Variants in MTCL1 observed in about 807,000 individuals in gnomAD.
MTCL1 encodes microtubule crosslinking factor 1.
In MTCL1, 79 loss-of-function variants were observed where a neutral mutation model predicts 141.4. The ratio of observed to expected loss-of-function variants is 0.56; its 90% CI spans 0.47 to 0.67. The LOEUF (loss-of-function observed/expected upper bound fraction) is 0.67, where lower values mean the gene tolerates loss of function less well. Ranked by LOEUF, MTCL1 falls within the 30% of genes least tolerant of loss-of-function variation. MTCL1 has a pLI of 0.00. For missense variants in MTCL1, 2,177 were observed against 2,113.9 expected, an observed-to-expected ratio of 1.03 and a Z score of -0.59; for synonymous variants, 914 against 875.8, an observed-to-expected ratio of 1.04 and a Z score of -0.77.
intron 4 of MTCL1, among the ~76,000 whole-genome samples, chr18:8,767,394 G>A (rs1190658030): frequency 2.0e-5 from 3 of 152,290 alleles, no homozygotes; most frequent in South Asian, 4.1e-4. Flanking sequence ...TCAGTAAGTC[G>A]GACAGGGTGT....
intron 8 of MTCL1, among the ~76,000 whole-genome samples, chr18:8,795,651 G>A (rs2075891028): frequency 6.6e-6 from 1 of 152,134 alleles, no homozygotes; most frequent in Non-Finnish European, 1.5e-5. Flanking sequence ...ATGGAAATAG[G>A]CTATCAGACT....
chr18:8,810,856 C>T lies in MTCL1; in HGVS notation c.2605-2123C>T, dbSNP rs545717367. ...TGTGCCCGTGGCTGTCATCTGCTTC[C>T]TCAAGCCTTTCCCTGCTTTCTCTCC... On this transcript the variant is annotated intron_variant, in intron 11 of 16. Transcript: ENST00000359865. The surrounding 1 kb of genome is among the most constrained non-coding windows in gnomAD (Gnocchi z 5.0). 6.6e-6 allele frequency among the ~76,000 whole-genome samples: 1 copy of T among 152,312 alleles called. No homozygotes were observed. The highest frequency in any genetic ancestry group is 1.5e-5 in the Non-Finnish European group (1 of 68,026).
At chr18:8,758,105 A>G (rs2096411736) in intron 4 of MTCL1, among the ~76,000 whole-genome samples, 2 of 148,324 alleles carry the variant, frequency 1.3e-5, no homozygotes, top group South Asian at 4.4e-4. Flanking sequence ...GCTCACAGCA[A>G]CCTCCACCTC....
chr18:8,774,142 G>A (rs1819604252), intron 4 of MTCL1, among the ~76,000 whole-genome samples: 1 of 152,180 alleles, frequency 6.6e-6, no homozygotes, highest in African/African-American at 2.4e-5. Context: ...AACAGGCTGT[G>A]GGTTGATTTG....
chr18:8,756,592 T>G lies in MTCL1; in HGVS notation c.358-21241T>G, dbSNP rs185751652. Among the ~76,000 whole-genome samples the G allele has an allele frequency of 9.3e-4, 140 of 150,676 alleles. No individual in the cohort carries two copies. The South Asian group carries it at 0.013, about 14-fold the overall frequency. The stretch of plus-strand genomic sequence containing the variant: ...AAGGCAAGAGATCCAAATTCTCACT[T>G]AGGTGGAGTTTCAGGAATGTTGAAG... On this transcript the variant is annotated intron_variant, in intron 4 of 16. Coordinates refer to ENST00000359865, the Ensembl canonical transcript of MTCL1.
chr18:8,711,154 C>T (rs1226106568), intron 1 of MTCL1, among the ~76,000 whole-genome samples: 1 of 150,902 alleles, frequency 6.6e-6, no homozygotes, highest in Non-Finnish European at 1.5e-5. Flanking sequence ...GTTTTTTGTT[C>T]TTGTGATAGT....
chr18:8,756,162 A>G (rs913291236), intron 4 of MTCL1, among the ~76,000 whole-genome samples: 49 of 152,142 alleles, frequency 3.2e-4, no homozygotes, highest in African/African-American at 1.2e-3. Flanking sequence ...ACCATGCACA[A>G]GATTTAACAC....
Position 8,807,823 on chromosome 18 carries a change from A to G in MTCL1, c.2604+763A>G, listed in dbSNP as rs146999319. Among the ~76,000 whole-genome samples the G allele has an allele frequency of 2.9e-3, 449 of 152,222 alleles. 1 individual carries two copies. Among genetic ancestry groups the G allele is most frequent in the African/African-American group, 0.01 (435 of 41,532 alleles). Reference sequence around the variant, plus strand: ...CGAGGTTTCTTCCAGCCCCTTGATCATGAGGAGGGAGGGAAGGTCTGTGTA... The same window carrying G: ...CGAGGTTTCTTCCAGCCCCTTGATCGTGAGGAGGGAGGGAAGGTCTGTGTA... On this transcript the variant is annotated intron_variant, in intron 11 of 16. Coordinates refer to ENST00000359865, the Ensembl canonical transcript of MTCL1.
chr18:8,824,988 A>G (rs765577808), exon 15 of MTCL1: 2 of 1,613,392 alleles, frequency 1.2e-6, no homozygotes, highest in South Asian at 2.2e-5. Flanking sequence ...CCTAACCACA[A>G]GTGTCACCAT....
intron 7 of MTCL1, among the ~76,000 whole-genome samples, chr18:8,791,343 T>C (rs1378825145): frequency 6.6e-6 from 1 of 151,322 alleles, no homozygotes; most frequent in Non-Finnish European, 1.5e-5. Flanking sequence ...ACCAGTTTGG[T>C]CCGGGAATCC....
chr18:8,821,540 A>G, intron 14 of MTCL1, 42 bp downstream of exon 13: 1 of 1,163,736 alleles, frequency 8.6e-7, no homozygotes, highest in Non-Finnish European at 1.2e-6. Flanking sequence ...TAGAATAAAA[A>G]TGTCTTGGTC....
At position 8,758,215 on chromosome 18, in the gene MTCL1, GTTTCT is replaced by G. The variant is rs1415727910; in HGVS notation, c.358-19617_358-19613del. On this transcript the variant is annotated intron_variant, in intron 4 of 16. Transcript: ENST00000359865. ...ATTTTGTATTTTTAGTAGAGACGGG[GTTTCT>G]CCATGTTGGTCAGGCTGGTCTCAAA... is the stretch of plus-strand genomic sequence containing the variant. Among the ~76,000 whole-genome samples, 4 of 152,118 alleles carry G rather than the reference GTTTCT, an allele frequency of 2.6e-5. No individual in the cohort carries two copies. The East Asian group carries it at 7.8e-4, about 30-fold the overall frequency.
chr18:8,719,374 C>A (rs563588375), intron 3 of MTCL1, among the ~76,000 whole-genome samples: 1 of 152,138 alleles, frequency 6.6e-6, no homozygotes, highest in East Asian at 1.9e-4. Context: ...AAGTTATAAA[C>A]CACTGACAAA....
chr18:8,705,675 C>T lies in MTCL1; in HGVS notation c.15C>T (p.Asn5=). 8.3e-7 allele frequency: 1 copy of T among 1,200,102 alleles called. No individual in the cohort carries two copies. The highest frequency in any genetic ancestry group is 1.0e-6 in the Non-Finnish European group (1 of 967,174). 74.3% of individuals were successfully genotyped at this position (1,200,102 alleles called of 1,614,324 possible). A position where few individuals can be genotyped will look rare whatever the true frequency, so the allele number is the denominator to read the frequency against. Residue 5 remains asparagine, a synonymous_variant, in exon 1 of 14, where the codon AAC becomes AAT. Transcript: ENST00000306329. The surrounding 1 kb of genome is among the most constrained non-coding windows in gnomAD (Gnocchi z 5.2). ...CGGACCCGGCCATGGAGACACTGAA[C>T]GGCCCCGCGGGCGGAGGTGCCCCGG... is the stretch of plus-strand genomic sequence containing the variant.
chr18:8,705,597 C>CCGCCGCCGCCGA, upstream of MTCL1: 1 of 1,204,122 alleles, frequency 8.3e-7, no homozygotes, highest in Non-Finnish European at 1.0e-6. This position sits in a 1 kb window ranked among gnomAD's most constrained non-coding sequence, Gnocchi z 5.2. Flanking sequence ...GCCGCCGCCG[C>CCGCCGCCGCCGA]CGCCGCCGCC....
At chr18:8,790,630 C>G (rs2075688830) in intron 7 of MTCL1, among the ~76,000 whole-genome samples, 1 of 152,210 alleles carries the variant, frequency 6.6e-6, no homozygotes, top group Non-Finnish European at 1.5e-5. Context: ...GAATAAAACA[C>G]TGCATAAAAT....
At chr18:8,784,945 A>G (rs2096546195) in intron 6 of MTCL1, 102 bp downstream of exon 5, 10 of 1,093,588 alleles carry the variant, frequency 9.1e-6, no homozygotes, top group African/African-American at 1.6e-5. Flanking sequence ...CTGCTTGGTT[A>G]TGATTTCAAA....
At chr18:8,733,023 CATCT>C (rs1354945762) in intron 4 of MTCL1, among the ~76,000 whole-genome samples, 1 of 152,246 alleles carries the variant, frequency 6.6e-6, no homozygotes, top group East Asian at 1.9e-4. Flanking sequence ...ATTGATCAGA[CATCT>C]ATCTGTGTAC....
intron 15 of MTCL1, among the ~76,000 whole-genome samples, chr18:8,827,112 C>A (rs1212842527): frequency 6.6e-6 from 1 of 152,214 alleles, no homozygotes; most frequent in Non-Finnish European, 1.5e-5. Context: ...AGGCTTCACA[C>A]TGGGAACACC....
Sources: allele counts gnomAD v4.1 joint callset (sites outside exome capture counted in the v4.1 genomes callset), GRCh38; gene constraint gnomAD v4.1.1; non-coding constraint Gnocchi (gnomAD v3.1); transcripts MANE v1.5; gene names NCBI Gene and HGNC (gene_info 2026-07-23, HGNC 2026-07-21).